Variants in ARHGEF12 observed in about 807,000 individuals in gnomAD.
ARHGEF12 encodes KMT2A/ARHGEF12 fusion protein.
A neutral mutation model predicts 211.2 loss-of-function variants in ARHGEF12; 66 were observed. The observed-to-expected ratio is 0.31, with a 90% CI of 0.26 to 0.38. ARHGEF12 has a LOEUF of 0.38. Ranked by LOEUF, ARHGEF12 falls within the 10% of genes least tolerant of loss-of-function variation. The pLI is 1.00. For synonymous variants in ARHGEF12, 592 were observed against 638.4 expected (o/e 0.93, Z 1.09); for missense variants, 1,429 against 1,869.5 (o/e 0.76, Z 4.34).
intron 1 of ARHGEF12, among the ~76,000 whole-genome samples, chr11:120,339,210 AT>A (rs202117486): frequency 2.7e-5 from 4 of 150,180 alleles, no homozygotes; most frequent in Non-Finnish European, 4.4e-5. Context: ...GTTTCGTAGG[AT>A]TTTTTTTTAC....
chr11:120,413,708 A>G (rs1289997723), intron 4 of ARHGEF12, among the ~76,000 whole-genome samples: 3 of 152,182 alleles, frequency 2.0e-5, no homozygotes, highest in Non-Finnish European at 4.4e-5. Context: ...TAAAACATGT[A>G]TGTCTGGCAC....
At chr11:120,357,395 G>A (rs1046218145) in intron 1 of ARHGEF12, among the ~76,000 whole-genome samples, 2 of 152,160 alleles carry the variant, frequency 1.3e-5, no homozygotes. Context: ...GTCTAATAGA[G>A]GAAGATAGAG....
intron 1 of ARHGEF12, among the ~76,000 whole-genome samples, chr11:120,370,222 G>A (rs879763924): frequency 2.0e-5 from 3 of 152,058 alleles, no homozygotes; most frequent in South Asian, 4.1e-4. Flanking sequence ...AGAATCAGTC[G>A]TCTAGCCCCA....
intron 4 of ARHGEF12, among the ~76,000 whole-genome samples, chr11:120,416,342 G>T (rs1320626033): frequency 6.6e-6 from 1 of 152,156 alleles, no homozygotes; most frequent in Non-Finnish European, 1.5e-5. Context: ...TACAGCCCCT[G>T]CACCTTTGGA....
chr11:120,397,945 G>A (rs1944438628), intron 1 of ARHGEF12, among the ~76,000 whole-genome samples: 1 of 152,130 alleles, frequency 6.6e-6, no homozygotes, highest in Admixed American at 6.6e-5. Flanking sequence ...TAACAATGCT[G>A]GGTGTTGGGA....
At chr11:120,415,360 C>G (rs1483298220) in intron 4 of ARHGEF12, among the ~76,000 whole-genome samples, 2 of 152,108 alleles carry the variant, frequency 1.3e-5, no homozygotes, top group Non-Finnish European at 2.9e-5. Flanking sequence ...TCTTTGAGAA[C>G]AGAAACTCCA....
At chr11:120,463,904 A>G (rs1230800035) in intron 27 of ARHGEF12, 1 of 152,246 alleles carries the variant, frequency 6.6e-6, no homozygotes, top group Non-Finnish European at 1.5e-5. Context: ...GCAATTATCT[A>G]CAAGTATAGA....
intron 21 of ARHGEF12, 81 bp from the exon 22 acceptor site, chr11:120,451,431 C>T: frequency 5.2e-6 from 7 of 1,342,664 alleles, no homozygotes; most frequent in Non-Finnish European, 7.3e-6. Context: ...CCCACCTTGG[C>T]CTCCCAAAGT....
intron 1 of ARHGEF12, chr11:120,385,305 C>G (rs547043128): frequency 5.1e-5 from 50 of 985,220 alleles, no homozygotes; most frequent in Admixed American, 6.2e-5. Flanking sequence ...TTCTTATCAT[C>G]CCTCTTGTGG....
intron 20 of ARHGEF12, chr11:120,448,657 A>C: frequency 2.8e-6 from 1 of 352,350 alleles, no homozygotes; most frequent in Non-Finnish European, 5.1e-6. Context: ...TTGCTACATA[A>C]TCGTCATGAA....
In ARHGEF12 at chr11:120,447,865, T is replaced by G. The variant is rs753303142; in HGVS notation, c.1590-9T>G. ...TTTCATTTTTAAATTTTTTTTTCTT[T>G]TTTTTAAGGATGACTGCTCAGGCTG... On this transcript the variant is annotated splice_polypyrimidine_tract_variant and intron_variant, in intron 18 of 40. Transcript: ENST00000397843. The G allele has an allele frequency of 5.1e-6, 8 of 1,554,688 alleles. No individual in the cohort carries two copies. In the South Asian group the frequency reaches 8.6e-5, roughly 17 times the overall value.
Position 120,429,421 on chromosome 11 carries a change from T to C in ARHGEF12, c.586-19T>C. ...GTCTATACTGGTTGTTGTTTGTTTT[T>C]TATCTTTTTCTTTTCTAGGAGGAAA... On this transcript the variant is annotated intron_variant, in intron 8 of 40. Coordinates refer to ENST00000397843, the MANE Select transcript of ARHGEF12 (RefSeq NM_015313.3). 6.3e-7 allele frequency: 1 copy of C among 1,598,620 alleles called. No homozygotes were observed. The highest frequency in any genetic ancestry group is 2.2e-5 in the East Asian group (1 of 44,770).
chr11:120,371,989 T>C (rs1202510943), intron 1 of ARHGEF12, among the ~76,000 whole-genome samples: 1 of 152,244 alleles, frequency 6.6e-6, no homozygotes, highest in African/African-American at 2.4e-5. Flanking sequence ...CAAAACTGAT[T>C]TCTTTGGAAA....
chr11:120,465,846 A>C (rs1946690199), intron 28 of ARHGEF12, among the ~76,000 whole-genome samples: 1 of 152,250 alleles, frequency 6.6e-6, no homozygotes, highest in Non-Finnish European at 1.5e-5. Context: ...GAAGAATAAT[A>C]AAAAATATAT....
chr11:120,457,796 T>G (rs1285039218), intron 24 of ARHGEF12, 40 bp downstream of exon 24: 5 of 1,589,136 alleles, frequency 3.1e-6, no homozygotes, highest in Non-Finnish European at 4.3e-6. Context: ...AGGCGCATTT[T>G]AAGAAACGTA....
intron 1 of ARHGEF12, among the ~76,000 whole-genome samples, chr11:120,347,266 C>CTCTCTCTG (rs1426650315): frequency 3.7e-5 from 5 of 133,502 alleles, no homozygotes; most frequent in African/African-American, 1.5e-4. Context: ...CTCTCTCTCT[C>CTCTCTCTG]TGTCTGTGTG....
chr11:120,426,862 T>G (rs1945359633), intron 7 of ARHGEF12, among the ~76,000 whole-genome samples: 1 of 145,020 alleles, frequency 6.9e-6, no homozygotes, highest in Non-Finnish European at 1.5e-5. Flanking sequence ...ATTATGGTGT[T>G]TTTTTTTGTT....
intron 1 of ARHGEF12, among the ~76,000 whole-genome samples, chr11:120,355,664 G>A (rs1314038578): frequency 6.6e-6 from 1 of 152,144 alleles, no homozygotes; most frequent in African/African-American, 2.4e-5. Flanking sequence ...CTATGATTGT[G>A]TCAGTCTACT....
In ARHGEF12 at chr11:120,431,787, C is replaced by A. The variant is rs781232750; in HGVS notation, c.800C>A (p.Thr267Lys). 1 of 1,607,564 alleles carries A rather than the reference C, an allele frequency of 6.2e-7. No individual in the cohort carries two copies. The highest frequency in any genetic ancestry group is 8.5e-7 in the Non-Finnish European group (1 of 1,177,578). ...CTGTTTTAGGATGGAGCTGTAGTTA[C>A]ACCCTCCAGACCTTTAGGGGACACC... The part of the protein sequence containing the change: ...TGSAQDGAVV[T>K]PSRPLGDTLT... The change falls in exon 11 of 41, where the codon ACA (threonine) becomes AAA (lysine). Residue 267 changes from threonine to lysine, a missense_variant. By Grantham distance (78) the Thr-to-Lys change is moderately conservative. Transcript: ENST00000397843.
Sources: allele counts gnomAD v4.1 joint callset (sites outside exome capture counted in the v4.1 genomes callset), GRCh38; gene constraint gnomAD v4.1.1; transcripts MANE v1.5; gene names NCBI Gene and HGNC (gene_info 2026-07-23, HGNC 2026-07-21).